Variants in SUMF1 observed in about 807,000 individuals in gnomAD.
SUMF1 encodes formylglycine-generating enzyme.
Under a neutral mutation model 47.6 loss-of-function variants are expected in SUMF1, and 48 were observed. The ratio of observed to expected loss-of-function variants is 1.01; its 90% CI spans 0.80 to 1.28. SUMF1 has a LOEUF of 1.28. Ranked by LOEUF, SUMF1 falls within the 50% of genes most tolerant of loss-of-function variation. The pLI is 0.00. For synonymous variants in SUMF1, 230 were observed against 192.1 expected, an observed-to-expected ratio of 1.20 and a Z score of -1.63; for missense variants, 571 against 485.4, an observed-to-expected ratio of 1.18 and a Z score of -1.66.
At chr3:4,419,908 GT>G (rs1701834983) in intron 4 of SUMF1, among the ~76,000 whole-genome samples, 155 bp downstream of exon 4, 1 of 152,176 alleles carries the variant, frequency 6.6e-6, no homozygotes, top group African/African-American at 2.4e-5. Flanking sequence ...CTTTACATAC[GT>G]TATTTCCCAC....
intron 8 of SUMF1, among the ~76,000 whole-genome samples, chr3:4,137,607 A>T (rs1417018445): frequency 6.6e-6 from 1 of 152,170 alleles, no homozygotes; most frequent in Non-Finnish European, 1.5e-5. Context: ...TGTACCCTAG[A>T]ACTTAAAGTA....
At chr3:4,251,532 A>G (rs1696801518) in intron 8 of SUMF1, among the ~76,000 whole-genome samples, 1 of 152,246 alleles carries the variant, frequency 6.6e-6, no homozygotes, top group Non-Finnish European at 1.5e-5. Flanking sequence ...CATGCTTTAC[A>G]GAGAAATCTT....
At chr3:4,390,513 C>G (rs1048731360) in intron 7 of SUMF1, among the ~76,000 whole-genome samples, 14 of 152,290 alleles carry the variant, frequency 9.2e-5, no homozygotes, top group African/African-American at 3.1e-4. Context: ...TTTGTTGAGA[C>G]TTCCTTTGTC....
At chr3:4,082,473 A>G (rs569251001) in intron 8 of SUMF1, among the ~76,000 whole-genome samples, 18 of 152,178 alleles carry the variant, frequency 1.2e-4, no homozygotes, top group Non-Finnish European at 2.2e-4. Flanking sequence ...ACCCTGTTTC[A>G]AAAATTAAGT....
intron 8 of SUMF1, among the ~76,000 whole-genome samples, chr3:4,115,733 G>C (rs10510288): frequency 0.44 from 67,552 of 151,958 alleles, 15,341 homozygotes; most frequent in African/African-American, 0.5. Context: ...TATATTCTTT[G>C]CATGTTTGAG....
At chr3:4,297,216 C>CA (rs1381297009) in intron 8 of SUMF1, among the ~76,000 whole-genome samples, 1 of 126,912 alleles carries the variant, frequency 7.9e-6, no homozygotes, top group African/African-American at 2.9e-5. Context: ...TCTGTGAGCC[C>CA]ACCCCGTTAG....
At chr3:4,365,233 T>C (rs369877304) in intron 8 of SUMF1, among the ~76,000 whole-genome samples, 4,010 of 86,780 alleles carry the variant, frequency 0.046, 217 homozygotes, top group Non-Finnish European at 0.063. Context: ...CTATTAGGTC[T>C]GCTTGGTGCA....
chr3:4,443,108 T>G (rs1323345591), intron 3 of SUMF1, among the ~76,000 whole-genome samples: 1 of 151,798 alleles, frequency 6.6e-6, no homozygotes, highest in Non-Finnish European at 1.5e-5. Flanking sequence ...AAACCCTGTC[T>G]CTGTTAAAAA....
chr3:4,148,962 A>T (rs1694255646), intron 8 of SUMF1, among the ~76,000 whole-genome samples: 1 of 152,154 alleles, frequency 6.6e-6, no homozygotes. Flanking sequence ...TTTAAAGAGC[A>T]TAGGACATTA....
intron 9 of SUMF1, among the ~76,000 whole-genome samples, chr3:4,061,544 C>A (rs1170359645): frequency 1.3e-5 from 2 of 152,124 alleles, no homozygotes; most frequent in African/African-American, 4.8e-5. Context: ...GATCTCCCAT[C>A]TCCTCAGCTG....
At chr3:4,187,057 T>C (rs920084484) in intron 8 of SUMF1, among the ~76,000 whole-genome samples, 4 of 152,160 alleles carry the variant, frequency 2.6e-5, no homozygotes, top group African/African-American at 7.2e-5. Flanking sequence ...GGACCATGTA[T>C]CTTCTGAGCT....
intron 3 of SUMF1, among the ~76,000 whole-genome samples, chr3:4,448,481 TCTC>T (rs1702860102): frequency 6.6e-6 from 1 of 152,114 alleles, no homozygotes; most frequent in African/African-American, 2.4e-5. Context: ...TCTCTCACCA[TCTC>T]CTATCCCTTC....
At chr3:4,221,056 G>C (rs566715266) in intron 8 of SUMF1, among the ~76,000 whole-genome samples, 15 of 152,230 alleles carry the variant, frequency 9.9e-5, no homozygotes, top group African/African-American at 3.6e-4. Context: ...CTAGGTAAGG[G>C]AGAGACATGT....
rs546363810 is a variant in SUMF1, at chr3:4,227,148, A to G, written c.1014+149182T>C. On this transcript the variant is annotated intron_variant and NMD_transcript_variant, in intron 8 of 12. Transcript: ENST00000448413. Reference sequence around the variant, plus strand: ...GGCCAAGTTCTCCAAGAAGCATTCTAGAGCTTCTTTGGGTATAACGATATG... The same window carrying G: ...GGCCAAGTTCTCCAAGAAGCATTCTGGAGCTTCTTTGGGTATAACGATATG... Among the ~76,000 whole-genome samples the G allele has an allele frequency of 2.6e-5, 4 of 152,224 alleles. No homozygotes were observed. In the East Asian group the frequency reaches 7.7e-4, roughly 29 times the overall value.
intron 8 of SUMF1, among the ~76,000 whole-genome samples, chr3:4,158,832 G>A (rs1694511076): frequency 6.6e-6 from 1 of 151,374 alleles, no homozygotes; most frequent in Non-Finnish European, 1.5e-5. Flanking sequence ...TTTACACAGA[G>A]TATCCTTTTC....
intron 9 of SUMF1, among the ~76,000 whole-genome samples, chr3:4,036,533 C>G (rs573446986): frequency 6.6e-6 from 1 of 151,764 alleles, no homozygotes; most frequent in Non-Finnish European, 1.5e-5. Flanking sequence ...TTCCCATAGG[C>G]CTGAGTGAAG....
At chr3:4,169,034 G>A (rs1006211277) in intron 8 of SUMF1, among the ~76,000 whole-genome samples, 2 of 151,986 alleles carry the variant, frequency 1.3e-5, no homozygotes, top group East Asian at 1.9e-4. Context: ...TTTCTCTCTC[G>A]GGAAAAAGTA....
intron 9 of SUMF1, among the ~76,000 whole-genome samples, chr3:4,036,262 C>T (rs897316630): frequency 1.3e-5 from 2 of 152,064 alleles, no homozygotes; most frequent in African/African-American, 4.8e-5. Flanking sequence ...ACATGGAGAC[C>T]TCATGTTTAG....
chr3:4,194,661 T>A (rs1267837076), intron 8 of SUMF1, among the ~76,000 whole-genome samples: 1 of 152,226 alleles, frequency 6.6e-6, no homozygotes, highest in Non-Finnish European at 1.5e-5. Flanking sequence ...TGCTTATAAT[T>A]GCTTGGCACA....
Sources: allele counts gnomAD v4.1 joint callset (sites outside exome capture counted in the v4.1 genomes callset), GRCh38; gene constraint gnomAD v4.1.1; transcripts MANE v1.5; gene names NCBI Gene and HGNC (gene_info 2026-07-23, HGNC 2026-07-21).